ZNF385D: variants seen among roughly 807,000 people sequenced by gnomAD.
ZNF385D encodes the protein zinc finger protein 659.
In ZNF385D, 15 loss-of-function variants were observed where a neutral mutation model predicts 35.8. That is an observed-to-expected ratio of 0.42 (90% CI 0.28 to 0.64). The LOEUF is 0.64. ZNF385D is among the 30% of genes least tolerant of loss of function. The pLI is 0.23. For synonymous variants in ZNF385D, 212 were observed against 186.8 expected, an observed-to-expected ratio of 1.13 and a Z score of -1.10; for missense variants, 474 against 494.6, an observed-to-expected ratio of 0.96 and a Z score of 0.39.
chr3:21,799,815 A>C (rs997865822), intron 3 of ZNF385D, among the ~76,000 whole-genome samples: 55 of 152,162 alleles, frequency 3.6e-4, no homozygotes, highest in Non-Finnish European at 1.2e-4. Context: ...GATATGTAAA[A>C]ATTCATTGCC....
intron 4 of ZNF385D, among the ~76,000 whole-genome samples, chr3:21,473,900 A>C (rs1384540390): frequency 6.6e-6 from 1 of 152,090 alleles, no homozygotes; most frequent in Non-Finnish European, 1.5e-5. Flanking sequence ...TAGTTAACAT[A>C]AACTATAATT....
intron 3 of ZNF385D, among the ~76,000 whole-genome samples, chr3:21,515,790 A>T (rs1315538223): frequency 1.3e-5 from 2 of 152,214 alleles, no homozygotes; most frequent in Non-Finnish European, 2.9e-5. Context: ...AAGACCTATA[A>T]AAGGCCACAA....
intron 3 of ZNF385D, among the ~76,000 whole-genome samples, chr3:22,058,410 G>A (rs1699521900): frequency 6.6e-6 from 1 of 152,180 alleles, no homozygotes; most frequent in Admixed American, 6.5e-5. Context: ...AAAAGGACTG[G>A]AGAATATGGG....
At chr3:21,777,992 T>C (rs552175993) in intron 3 of ZNF385D, among the ~76,000 whole-genome samples, 42 of 151,888 alleles carry the variant, frequency 2.8e-4, no homozygotes, top group African/African-American at 9.2e-4. Flanking sequence ...CCAGATGATA[T>C]GCAGTGTGTC....
chr3:21,421,316 T>A lies in ZNF385D; in HGVS notation c.1086A>T (p.Ala362=). Residue 362 remains alanine (A), a synonymous_variant, in exon 8 of 8, where the codon GCA becomes GCT. Transcript: ENST00000281523. ...GCGCGGAAGTCTGGAACAGTGTTGCTGCTGGAGCAGTTCGAAGACTGAAGG... is the reference window on the plus strand; with the variant it reads ...GCGCGGAAGTCTGGAACAGTGTTGCAGCTGGAGCAGTTCGAAGACTGAAGG... ...SSPFSLRTAP[A]ATLFQTSALP... The A allele has an allele frequency of 1.2e-6, 2 of 1,614,074 alleles. No individual in the cohort carries two copies. Among genetic ancestry groups the A allele is most frequent in the Non-Finnish European group, 1.7e-6 (2 of 1,179,952 alleles).
At chr3:22,031,496 G>A (rs1166309946) in intron 3 of ZNF385D, among the ~76,000 whole-genome samples, 1 of 152,226 alleles carries the variant, frequency 6.6e-6, no homozygotes, top group Non-Finnish European at 1.5e-5. Context: ...GCCATGGCCT[G>A]AGCTGCACCT....
At chr3:22,201,629 G>A (rs1696807100) in intron 2 of ZNF385D, among the ~76,000 whole-genome samples, 2 of 151,992 alleles carry the variant, frequency 1.3e-5, no homozygotes, top group African/African-American at 2.4e-5. Flanking sequence ...GCCTTGAGAT[G>A]TTTAAGTTCT....
intron 1 of ZNF385D, among the ~76,000 whole-genome samples, chr3:21,694,193 G>A (rs529861250): frequency 9.9e-5 from 15 of 151,630 alleles, no homozygotes; most frequent in Non-Finnish European, 1.5e-4. Flanking sequence ...ACAGGCGCCC[G>A]CCACCACGCC....
At chr3:21,473,466 G>T (rs1020235344) in intron 4 of ZNF385D, among the ~76,000 whole-genome samples, 1 of 151,996 alleles carries the variant, frequency 6.6e-6, no homozygotes, top group African/African-American at 2.4e-5. Context: ...GTTTGTCTGG[G>T]GAAATGTTTT....
intron 2 of ZNF385D, among the ~76,000 whole-genome samples, chr3:21,607,013 G>A (rs1036257149): frequency 6.6e-6 from 1 of 152,186 alleles, no homozygotes; most frequent in African/African-American, 2.4e-5. Context: ...GTTAAGGAAT[G>A]CAGTCTCCTA....
intron 3 of ZNF385D, among the ~76,000 whole-genome samples, chr3:22,048,039 T>C (rs983489917): frequency 2.0e-5 from 3 of 152,204 alleles, no homozygotes; most frequent in Admixed American, 6.5e-5. Context: ...CATTTCTATG[T>C]CTTCTTTTGA....
At chr3:21,528,499 T>A (rs954564619) in intron 3 of ZNF385D, among the ~76,000 whole-genome samples, 2 of 151,672 alleles carry the variant, frequency 1.3e-5, no homozygotes, top group Non-Finnish European at 2.9e-5. Context: ...TTCTGCCTGC[T>A]TGATGCAGAC....
intron 3 of ZNF385D, among the ~76,000 whole-genome samples, chr3:21,759,270 C>T (rs557240863): frequency 6.6e-6 from 1 of 151,794 alleles, no homozygotes; most frequent in Non-Finnish European, 1.5e-5. Flanking sequence ...TAATATTGAC[C>T]CGGACTGATA....
intron 1 of ZNF385D, among the ~76,000 whole-genome samples, chr3:21,703,926 G>A (rs4858344): frequency 0.41 from 61,792 of 151,884 alleles, 13,781 homozygotes; most frequent in Middle Eastern, 0.53. Flanking sequence ...TAAGATCTTC[G>A]AACATGCCAA....
At chr3:21,666,269 G>A (rs1211513611) in intron 1 of ZNF385D, among the ~76,000 whole-genome samples, 1 of 152,140 alleles carries the variant, frequency 6.6e-6, no homozygotes, top group Non-Finnish European at 1.5e-5. Flanking sequence ...GAGCCACGGA[G>A]GATCTGCTAA....
At chr3:21,447,212 A>G (rs1466514592) in intron 4 of ZNF385D, among the ~76,000 whole-genome samples, 1 of 152,182 alleles carries the variant, frequency 6.6e-6, no homozygotes, top group Non-Finnish European at 1.5e-5. Flanking sequence ...TTGGATAAAT[A>G]TTACGAAAGG....
chr3:21,699,316 C>T (rs893390993), intron 1 of ZNF385D, among the ~76,000 whole-genome samples: 13 of 151,862 alleles, frequency 8.6e-5, no homozygotes, highest in African/African-American at 2.9e-4. Context: ...GGGAGGGGAA[C>T]ATCACACACC....
At chr3:21,913,281 A>T (rs984862116) in intron 3 of ZNF385D, among the ~76,000 whole-genome samples, 5 of 152,098 alleles carry the variant, frequency 3.3e-5, no homozygotes, top group African/African-American at 1.2e-4. Flanking sequence ...TTATAATTTC[A>T]CCTGCAGAGT....
chr3:22,001,418 A>C (rs893854289), intron 3 of ZNF385D, among the ~76,000 whole-genome samples: 10 of 152,156 alleles, frequency 6.6e-5, no homozygotes, highest in Non-Finnish European at 1.5e-4. Context: ...TAAAGAGATC[A>C]ATTCATCAAG....
Sources: gnomAD v4.1 joint callset for allele counts (sites outside exome capture counted in the v4.1 genomes callset) on GRCh38, gnomAD v4.1.1 for gene constraint, MANE v1.5 for transcripts, NCBI Gene and HGNC (gene_info 2026-07-23, HGNC 2026-07-21) for gene names.